CLPB: variants seen among roughly 807,000 people sequenced by gnomAD.
CLPB encodes mitochondrial disaggregase.
CLPB carries 40 observed loss-of-function variants against 78.4 expected under a neutral mutation model. The observed-to-expected ratio is 0.51, with a 90% CI of 0.40 to 0.66. CLPB has a LOEUF of 0.66. CLPB is among the 30% of genes least tolerant of loss of function. CLPB has a pLI of 0.00. For missense variants in CLPB, 780 were observed against 886.9 expected (o/e 0.88, Z 1.53); for synonymous variants, 333 against 348.0 (o/e 0.96, Z 0.48).
intron 2 of CLPB, among the ~76,000 whole-genome samples, chr11:72,425,695 T>G (rs1006028511): frequency 7.2e-5 from 11 of 152,178 alleles, no homozygotes; most frequent in African/African-American, 2.7e-4. Context: ...CCTCCTGGCC[T>G]CAGACTGTGA....
At position 72,289,397 on chromosome 11, in the gene CLPB, C is replaced by T. The variant is rs1489422192; in HGVS notation, c.*3970G>A. The stretch of plus-strand genomic sequence containing the variant: ...ATCTAGTAGGAATACTGCACACAGG[C>T]TGGTTACTAGCTGACTTAACTAGAG... On this transcript the variant is annotated 3_prime_UTR_variant, in exon 16 of 16. Transcript: ENST00000538039. 6.6e-6 allele frequency: 1 copy of T among 152,020 alleles called. No homozygotes were observed. The highest frequency in any genetic ancestry group is 1.5e-5 in the Non-Finnish European group (1 of 68,030). The allele number at this position is 152,020 out of a possible 1,614,324, so 9.4% of individuals were successfully genotyped here.
Position 72,287,110 on chromosome 11 carries a change from T to C in CLPB, c.*6257A>G, listed in dbSNP as rs1270727760. On this transcript the variant is annotated 3_prime_UTR_variant, in exon 16 of 16. Coordinates refer to ENST00000538039, the MANE Select transcript of CLPB (RefSeq NM_001258392.3). ...CTTGATTTTATTTGGGATTTTTGCA[T>C]CTATGGCCATAGGTGAGATTAGGCT... 1.3e-5 allele frequency: 2 copies of C among 152,166 alleles called. No homozygotes were observed. The highest frequency in any genetic ancestry group is 4.8e-5 in the African/African-American group (2 of 41,422). The allele number at this position is 152,166 out of a possible 1,614,324, so 9.4% of individuals were successfully genotyped here.
intron 3 of CLPB, among the ~76,000 whole-genome samples, chr11:72,381,391 G>C (rs890042356): frequency 1.3e-5 from 2 of 152,068 alleles, no homozygotes; most frequent in African/African-American, 4.8e-5. Context: ...CATAGCCCCA[G>C]GCTCCAGATC....
At chr11:72,394,995 G>A (rs1377939259) in intron 3 of CLPB, among the ~76,000 whole-genome samples, 1 of 152,134 alleles carries the variant, frequency 6.6e-6, no homozygotes, top group African/African-American at 2.4e-5. Context: ...CCACCTTTGT[G>A]AGCCTATGCT....
chr11:72,385,893 T>C (rs1055374963), intron 3 of CLPB, among the ~76,000 whole-genome samples: 6 of 152,368 alleles, frequency 3.9e-5, no homozygotes, highest in Admixed American at 3.9e-4. Context: ...GACTATTCCA[T>C]GCTTGATTTA....
chr11:72,304,984 T>C (rs906273170), intron 9 of CLPB, among the ~76,000 whole-genome samples: 1 of 152,170 alleles, frequency 6.6e-6, no homozygotes, highest in African/African-American at 2.4e-5. Flanking sequence ...CTATAAAGTG[T>C]CTACGCAAAA....
At chr11:72,421,994 G>A (rs140164463) in intron 2 of CLPB, among the ~76,000 whole-genome samples, 2,333 of 152,292 alleles carry the variant, frequency 0.015, 52 homozygotes, top group African/African-American at 0.054. Flanking sequence ...CTGGCCGGGC[G>A]TGGTGGCTCA....
At chr11:72,336,542 A>C (rs1016368404) in intron 5 of CLPB, 2 of 152,208 alleles carry the variant, frequency 1.3e-5, no homozygotes, top group African/African-American at 4.8e-5. Flanking sequence ...TTAGATTAAC[A>C]AGTTCAAAAA....
chr11:72,308,152 A>T (rs192624493), intron 8 of CLPB, among the ~76,000 whole-genome samples: 6 of 152,336 alleles, frequency 3.9e-5, no homozygotes, highest in Admixed American at 3.9e-4. Flanking sequence ...TAGCATTTAC[A>T]GCTAGGCTGT....
chr11:72,348,483 G>A (rs568501527), intron 5 of CLPB, among the ~76,000 whole-genome samples: 50 of 152,214 alleles, frequency 3.3e-4, no homozygotes, highest in African/African-American at 1.2e-3. Context: ...GGCTCCTGTG[G>A]ACAGCTCCTG....
chr11:72,349,691 CA>C (rs1950578979), intron 5 of CLPB, among the ~76,000 whole-genome samples: 1 of 152,210 alleles, frequency 6.6e-6, no homozygotes, highest in African/African-American at 2.4e-5. Flanking sequence ...TTCTGCCCAA[CA>C]GCAAAAGCTG....
intron 6 of CLPB, among the ~76,000 whole-genome samples, chr11:72,320,148 C>T (rs1432587880): frequency 1.3e-5 from 2 of 152,208 alleles, no homozygotes; most frequent in Non-Finnish European, 2.9e-5. Flanking sequence ...GAGAATTCCA[C>T]CTCTGGGTAC....
At chr11:72,355,620 T>C (rs1950698638) in intron 5 of CLPB, among the ~76,000 whole-genome samples, 1 of 152,180 alleles carries the variant, frequency 6.6e-6, no homozygotes, top group Non-Finnish European at 1.5e-5. Context: ...ACACAGCTAA[T>C]AGGTGGGTAA....
chr11:72,401,644 TG>T (rs1445917961), intron 3 of CLPB, among the ~76,000 whole-genome samples: 4 of 152,202 alleles, frequency 2.6e-5, no homozygotes, highest in Admixed American at 6.5e-5. Flanking sequence ...CAGTTACATT[TG>T]TTCTTTCACA....
intron 5 of CLPB, among the ~76,000 whole-genome samples, chr11:72,345,497 C>T (rs2135578685): frequency 6.6e-6 from 1 of 152,154 alleles, no homozygotes; most frequent in Admixed American, 6.5e-5. Flanking sequence ...TACAAAGAAA[C>T]ACAGGGAGGA....
At chr11:72,367,371 C>T (rs1046133152) in intron 4 of CLPB, among the ~76,000 whole-genome samples, 5 of 152,136 alleles carry the variant, frequency 3.3e-5, no homozygotes, top group Non-Finnish European at 7.3e-5. Flanking sequence ...GCCATGTTGG[C>T]CAGGCTGGTC....
intron 3 of CLPB, among the ~76,000 whole-genome samples, chr11:72,390,874 C>T (rs992117342): frequency 7.2e-5 from 11 of 152,234 alleles, no homozygotes; most frequent in Admixed American, 3.3e-4. Flanking sequence ...TGGTTCATCA[C>T]AGCATTCTGT....
intron 5 of CLPB, chr11:72,356,951 A>G (rs1302074267): frequency 6.6e-6 from 1 of 152,204 alleles, no homozygotes; most frequent in Admixed American, 6.5e-5. Flanking sequence ...CTTAGCTACA[A>G]ATGTCTTGCC....
Position 72,300,238 on chromosome 11 carries a change from A to G in CLPB, c.1329+1565T>C, listed in dbSNP as rs1287597957. Among the ~76,000 whole-genome samples the G allele has an allele frequency of 2.0e-5, 3 of 152,278 alleles. No homozygotes were observed. The East Asian group carries it at 5.8e-4, about 29-fold the overall frequency. On this transcript the variant is annotated intron_variant, in intron 11 of 15. Transcript: ENST00000538039. ...CCACATCTGTTCAATGGAGGCCGTAATAATAGCTAGCTTTGGAGGGTTGTT... is the reference window on the plus strand; with the variant it reads ...CCACATCTGTTCAATGGAGGCCGTAGTAATAGCTAGCTTTGGAGGGTTGTT...
Sources: gnomAD v4.1 joint callset for allele counts (sites outside exome capture counted in the v4.1 genomes callset) on GRCh38, gnomAD v4.1.1 for gene constraint, MANE v1.5 for transcripts, NCBI Gene and HGNC (gene_info 2026-07-23, HGNC 2026-07-21) for gene names.